PAPOLG: variants seen among roughly 807,000 people sequenced by gnomAD.
PAPOLG encodes poly(A) polymerase gamma.
In PAPOLG, 40 loss-of-function variants were observed where a neutral mutation model predicts 99.0. That is an observed-to-expected ratio of 0.40 (90% CI 0.31 to 0.53). The LOEUF (loss-of-function observed/expected upper bound fraction) is 0.53, where lower values mean the gene tolerates loss of function less well. PAPOLG is among the 20% of genes least tolerant of loss of function. The pLI, the probability that PAPOLG is intolerant of heterozygous loss-of-function variation, is 0.41. For synonymous variants in PAPOLG, 310 were observed against 299.3 expected, an observed-to-expected ratio of 1.04 and a Z score of -0.37; for missense variants, 675 against 884.1, an observed-to-expected ratio of 0.76 and a Z score of 3.00.
chr2:60,790,419 T>C (rs1352761532), intron 15 of PAPOLG, among the ~76,000 whole-genome samples: 1 of 152,220 alleles, frequency 6.6e-6, no homozygotes, highest in African/African-American at 2.4e-5. Flanking sequence ...CATCCCTGTC[T>C]TCAGTGGGCT....
chr2:60,764,461 G>T (rs1670613943), intron 3 of PAPOLG, among the ~76,000 whole-genome samples: 1 of 151,394 alleles, frequency 6.6e-6, no homozygotes. Flanking sequence ...CTGTCACCCG[G>T]GCTGGAATGC....
At chr2:60,761,887 G>A (rs1193977269) in intron 3 of PAPOLG, 80 bp downstream of exon 3, 1 of 997,794 alleles carries the variant, frequency 1.0e-6, no homozygotes, top group East Asian at 2.4e-5. Flanking sequence ...CAGGTGTTGA[G>A]AAGTATCTGA....
At chr2:60,792,068 G>C in intron 16 of PAPOLG, 61 bp from the exon 17 acceptor site, 2 of 1,523,276 alleles carry the variant, frequency 1.3e-6, no homozygotes. Context: ...CTTCAGAATT[G>C]AAACCAGTCT....
In PAPOLG at chr2:60,794,112, T is replaced by C. The variant is rs750588535; in HGVS notation, c.1910T>C (p.Ile637Thr). 3 of 1,614,036 alleles carry C rather than the reference T, an allele frequency of 1.9e-6. No homozygotes were observed. The highest frequency in any genetic ancestry group is 1.1e-5 in the South Asian group (1 of 91,078). Reference protein sequence around the residue: ...GQPHLNGMSNITKTVTPKRSH... With the variant: ...GQPHLNGMSNTTKTVTPKRSH... ...CCGCATCTGAATGGAATGTCAAATATAACTAAGACTGTTACACCTAAGAGA... is the reference window on the plus strand; with the variant it reads ...CCGCATCTGAATGGAATGTCAAATACAACTAAGACTGTTACACCTAAGAGA... The change falls in exon 19 of 22, where the codon ATA (isoleucine) becomes ACA (threonine). Residue 637 changes from isoleucine to threonine, a missense_variant. Physicochemically the swap from Ile to Thr is moderately conservative, Grantham distance 89. Transcript: ENST00000238714.
chr2:60,781,378 A>G (rs1043713682), intron 10 of PAPOLG, among the ~76,000 whole-genome samples: 8 of 152,090 alleles, frequency 5.3e-5, no homozygotes, highest in Admixed American at 2.6e-4. Context: ...GTAATTGGTT[A>G]CTAATAATAA....
chr2:60,762,159 G>C (rs574500076), intron 3 of PAPOLG, among the ~76,000 whole-genome samples: 1 of 152,164 alleles, frequency 6.6e-6, no homozygotes, highest in Non-Finnish European at 1.5e-5. Context: ...GCTTGAAGGG[G>C]ATTGGGCTCC....
At chr2:60,775,717 T>G (rs1478514822) in intron 8 of PAPOLG, among the ~76,000 whole-genome samples, 1 of 152,166 alleles carries the variant, frequency 6.6e-6, no homozygotes, top group East Asian at 1.9e-4. Context: ...ATTTTTTTTT[T>G]GTTTCCCAGT....
intron 3 of PAPOLG, among the ~76,000 whole-genome samples, chr2:60,762,457 G>T (rs952344412): frequency 6.6e-6 from 1 of 151,982 alleles, no homozygotes; most frequent in African/African-American, 2.4e-5. Flanking sequence ...ACTAAAATCT[G>T]TGGATGCTCA....
At chr2:60,786,800 G>C in intron 13 of PAPOLG, 147 bp from the exon 14 acceptor site, 4 of 830,802 alleles carry the variant, frequency 4.8e-6, no homozygotes, top group Non-Finnish European at 7.1e-6. Flanking sequence ...AAAGTGCTGG[G>C]AGTACAGATG....
At chr2:60,776,600 G>T (rs1014593947) in intron 8 of PAPOLG, among the ~76,000 whole-genome samples, 1 of 151,792 alleles carries the variant, frequency 6.6e-6, no homozygotes, top group East Asian at 1.9e-4. Context: ...GCTAATTTTT[G>T]TATTTTTAGT....
At chr2:60,758,327 GGT>G (rs1491365708) in intron 1 of PAPOLG, among the ~76,000 whole-genome samples, 12 of 110,434 alleles carry the variant, frequency 1.1e-4, no homozygotes, top group African/African-American at 1.5e-4. Flanking sequence ...TGGTTTCTGG[GGT>G]TTTTTTTTTT....
intron 7 of PAPOLG, among the ~76,000 whole-genome samples, chr2:60,774,205 C>G (rs1170464697): frequency 6.6e-6 from 1 of 151,666 alleles, no homozygotes; most frequent in Admixed American, 6.6e-5. Flanking sequence ...CGCTGTTGCC[C>G]CATCTTGATT....
intron 6 of PAPOLG, 113 bp from the exon 7 acceptor site, chr2:60,771,406 T>C (rs1670846886): frequency 7.6e-7 from 1 of 1,320,572 alleles, no homozygotes; most frequent in Non-Finnish European, 9.9e-7. Flanking sequence ...GAAGCTTTGG[T>C]AGAACTTCCC....
rs565104554 is a variant in PAPOLG at position 60,801,267 on chromosome 2, C to A, written c.*4107C>A. 8 of 151,692 alleles carry A rather than the reference C, an allele frequency of 5.3e-5. No individual in the cohort carries two copies. The highest frequency in any genetic ancestry group is 8.8e-5 in the Non-Finnish European group (6 of 67,848). The allele number at this position is 151,692 out of a possible 1,614,324, so 9.4% of individuals were successfully genotyped here. On this transcript the variant is annotated 3_prime_UTR_variant, in exon 22 of 22. Transcript: ENST00000238714. ...GTGATAGTTTAGGGAAAAAAAAAAA[C>A]TTTGTATAAATAAAATTGTATGTGT...
chr2:60,775,539 T>C (rs1670990119), intron 8 of PAPOLG, among the ~76,000 whole-genome samples: 1 of 152,194 alleles, frequency 6.6e-6, no homozygotes, highest in African/African-American at 2.4e-5. Flanking sequence ...ACTTTTCTAA[T>C]AAAGCCTGGA....
chr2:60,793,439 CTATGTTCT>C (rs1307084863), intron 17 of PAPOLG, among the ~76,000 whole-genome samples, 180 bp from the exon 18 acceptor site: 2 of 151,772 alleles, frequency 1.3e-5, no homozygotes, highest in African/African-American at 2.4e-5. Context: ...TGGCACACAC[CTATGTTCT>C]TAGCTACCTG....
At chr2:60,791,233 C>T (rs910370896) in intron 15 of PAPOLG, among the ~76,000 whole-genome samples, 3 of 152,024 alleles carry the variant, frequency 2.0e-5, no homozygotes, top group Non-Finnish European at 4.4e-5. Flanking sequence ...ATGAGAAAGT[C>T]TTAGAAAGTG....
At chr2:60,756,631 G>T in intron 1 of PAPOLG, 136 bp downstream of exon 1, 1 of 1,003,562 alleles carries the variant, frequency 1.0e-6, no homozygotes, top group Non-Finnish European at 1.4e-6. Flanking sequence ...CCCGGCTCCC[G>T]GCCGGTCCGC....
rs766458681 is a variant in PAPOLG at position 60,797,526 on chromosome 2, G to GTTTTTTTTTTTTTTTT, written c.*371_*372insTTTTTTTTTTTTTTTT. 5.9e-6 allele frequency: 1 copy of GTTTTTTTTTTTTTTTT among 169,740 alleles called. No homozygotes were observed. The highest frequency in any genetic ancestry group is 1.2e-5 in the Non-Finnish European group (1 of 80,348). The allele number at this position is 169,740 out of a possible 1,614,324, so 10.5% of individuals were successfully genotyped here. ...ACTCCTTTTTTGTTTTGTTTTTTGT[G>GTTTTTTTTTTTTTTTT]TTTTTCTTTTTTTGTCTTATGTTGT... On this transcript the variant is annotated 3_prime_UTR_variant, in exon 22 of 22. Coordinates refer to ENST00000238714, the MANE Select transcript of PAPOLG (RefSeq NM_022894.4).
Sources: allele counts gnomAD v4.1 joint callset (sites outside exome capture counted in the v4.1 genomes callset), GRCh38; gene constraint gnomAD v4.1.1; transcripts MANE v1.5; gene names NCBI Gene and HGNC (gene_info 2026-07-23, HGNC 2026-07-21).